Variants in NSF observed in about 807,000 individuals in gnomAD.
NSF encodes the protein N-ethylmaleimide sensitive factor, vesicle fusing ATPase.
NSF carries 14 observed loss-of-function variants against 50.3 expected under a neutral mutation model. That is an observed-to-expected ratio of 0.28 (90% CI 0.18 to 0.44). NSF has a LOEUF of 0.44. Ranked by LOEUF, NSF falls within the 20% of genes least tolerant of loss-of-function variation. NSF has a pLI of 1.00. For synonymous variants in NSF, 109 were observed against 175.7 expected (o/e 0.62, Z 3.00); for missense variants, 218 against 504.3 (o/e 0.43, Z 5.44).
chr17:46,735,880 G>A (rs544922564), intron 17 of NSF, among the ~76,000 whole-genome samples: 1 of 152,316 alleles, frequency 6.6e-6, no homozygotes, highest in African/African-American at 2.4e-5. Context: ...AGGAGGCGGA[G>A]TTTGCAGTGA....
Position 46,756,987 on chromosome 17 carries a change from G to T in NSF, c.*1164G>T, listed in dbSNP as rs1008508044. On this transcript the variant is annotated 3_prime_UTR_variant, in exon 21 of 21. Coordinates refer to ENST00000398238, the MANE Select transcript of NSF (RefSeq NM_006178.4). Reference sequence around the variant, plus strand: ...TATTTGGTGATGAGACTTATGGAGTGTGCCTCTCTCTCCCAACTGCTGCTT... The same window carrying T: ...TATTTGGTGATGAGACTTATGGAGTTTGCCTCTCTCTCCCAACTGCTGCTT... The T allele has an allele frequency of 2.0e-5, 3 of 152,304 alleles. No homozygotes were observed. The highest frequency in any genetic ancestry group is 7.2e-5 in the African/African-American group (3 of 41,432). The allele number at this position is 152,304 out of a possible 1,614,324, so 9.4% of individuals were successfully genotyped here. A position where few individuals can be genotyped will look rare whatever the true frequency, so the allele number is the denominator to read the frequency against.
chr17:46,610,093 CTCTCTT>C (rs1398496555), intron 1 of NSF, among the ~76,000 whole-genome samples: 1 of 41,214 alleles, frequency 2.4e-5, no homozygotes, highest in Non-Finnish European at 5.3e-5. Context: ...TCTTTCTTTT[CTCTCTT>C]TCTCTCTCTC....
At chr17:46,717,635 C>T (rs2058785991) in intron 15 of NSF, among the ~76,000 whole-genome samples, 1 of 152,126 alleles carries the variant, frequency 6.6e-6, no homozygotes, top group Non-Finnish European at 1.5e-5. Context: ...TCGCTTGAAC[C>T]CGGGAGGCAG....
intron 17 of NSF, among the ~76,000 whole-genome samples, chr17:46,730,368 T>G (rs2058937329): frequency 6.6e-6 from 1 of 152,176 alleles, no homozygotes; most frequent in Non-Finnish European, 1.5e-5. Context: ...GAAGATTAAC[T>G]TCAGTGCTAT....
chr17:46,723,197 T>C (rs138843450), intron 15 of NSF, among the ~76,000 whole-genome samples: 65 of 152,324 alleles, frequency 4.3e-4, no homozygotes, highest in Middle Eastern at 6.8e-3. Flanking sequence ...AGGAAAAACA[T>C]AGAACTACTG....
chr17:46,598,772 T>G (rs890954840), intron 1 of NSF, among the ~76,000 whole-genome samples: 1 of 151,922 alleles, frequency 6.6e-6, no homozygotes, highest in African/African-American at 2.4e-5. Context: ...AAACAAACTT[T>G]CAGATGAAAC....
intron 1 of NSF, among the ~76,000 whole-genome samples, chr17:46,609,475 ATTTG>A (rs1007367303): frequency 6.6e-6 from 1 of 152,026 alleles, no homozygotes; most frequent in Admixed American, 6.5e-5. Context: ...TTTATTAAAT[ATTTG>A]TTCTATGGAA....
chr17:46,722,301 T>C (rs2058839978), intron 15 of NSF: 9 of 757,684 alleles, frequency 1.2e-5, no homozygotes, highest in Admixed American at 2.0e-5. Flanking sequence ...CCTTCTTACC[T>C]CCAGCCTCAG....
chr17:46,693,026 A>G lies in NSF; in HGVS notation c.1069A>G (p.Lys357Glu). ...CACTGTTGTCAACCAGTTGCTGTCC[A>G]AAATTGATGGCGTGGAGCAGCTAAA... ...HDTVVNQLLS[K>E]IDGVEQLNNI... Residue 357 changes from lysine to glutamate, a missense_variant, in exon 10 of 21, where the codon AAA (lysine) becomes GAA (glutamate). Transcript: ENST00000398238. 1 of 1,611,486 alleles carries G rather than the reference A, an allele frequency of 6.2e-7. No homozygotes were observed. The highest frequency in any genetic ancestry group is 8.5e-7 in the Non-Finnish European group (1 of 1,179,600).
chr17:46,681,577 G>C (rs1374451210), intron 9 of NSF, among the ~76,000 whole-genome samples: 4 of 150,800 alleles, frequency 2.7e-5, no homozygotes, highest in African/African-American at 9.8e-5. Context: ...AAAAAACCTA[G>C]TAAGCTGTAC....
At chr17:46,669,479 T>C (rs993545997) in intron 8 of NSF, among the ~76,000 whole-genome samples, 1 of 128,420 alleles carries the variant, frequency 7.8e-6, no homozygotes, top group Non-Finnish European at 1.7e-5. Context: ...TCTTCCTCCT[T>C]GTCCCTTTAT....
intron 14 of NSF, among the ~76,000 whole-genome samples, chr17:46,712,455 T>C (rs2058729093): frequency 6.6e-6 from 1 of 152,244 alleles, no homozygotes; most frequent in Non-Finnish European, 1.5e-5. Context: ...CCCTGGGTTC[T>C]GGCATACATA....
intron 18 of NSF, among the ~76,000 whole-genome samples, chr17:46,751,121 C>A (rs2059178189): frequency 6.6e-6 from 1 of 152,078 alleles, no homozygotes; most frequent in Non-Finnish European, 1.5e-5. Flanking sequence ...TCAGGTTACC[C>A]ATGTAGACAG....
intron 9 of NSF, among the ~76,000 whole-genome samples, chr17:46,681,485 G>A (rs199462): frequency 0.033 from 4,841 of 144,600 alleles, 95 homozygotes; most frequent in Middle Eastern, 0.11. Flanking sequence ...ATGAGACCCT[G>A]TCTCAAAAAA....
At chr17:46,729,073 TCTTGA>T in intron 17 of NSF, 139 bp downstream of exon 17, 1 of 559,890 alleles carries the variant, frequency 1.8e-6, no homozygotes, top group East Asian at 3.0e-5. Flanking sequence ...GGTCGTCCAG[TCTTGA>T]CTTCTGTTTA....
At chr17:46,703,791 ACCAT>A (rs1290312693) in intron 12 of NSF, among the ~76,000 whole-genome samples, 10 of 148,008 alleles carry the variant, frequency 6.8e-5, no homozygotes, top group Non-Finnish European at 1.5e-4. Context: ...ATGTTGTGCA[ACCAT>A]CACTACCATT....
chr17:46,688,868 C>A, intron 9 of NSF, among the ~76,000 whole-genome samples: 1 of 90,348 alleles, frequency 1.1e-5, no homozygotes, highest in African/African-American at 6.1e-5. Context: ...GTACCATACA[C>A]AAAAATAAAA....
intron 14 of NSF, among the ~76,000 whole-genome samples, chr17:46,712,057 C>G (rs2146263420): frequency 6.6e-6 from 1 of 152,278 alleles, no homozygotes; most frequent in South Asian, 2.1e-4. Flanking sequence ...ATCATCATCA[C>G]TGCTTTATGA....
intron 12 of NSF, among the ~76,000 whole-genome samples, chr17:46,696,082 G>GT (rs1320581066): frequency 1.1e-4 from 12 of 107,248 alleles, no homozygotes; most frequent in South Asian, 3.5e-4. Context: ...CTTTGGTTTT[G>GT]TTTTTTTTGC....
Sources: allele counts gnomAD v4.1 joint callset (sites outside exome capture counted in the v4.1 genomes callset), GRCh38; gene constraint gnomAD v4.1.1; transcripts MANE v1.5; gene names NCBI Gene and HGNC (gene_info 2026-07-23, HGNC 2026-07-21).